The following ZNF330 variants were observed in gnomAD, a reference collection of about 807,000 sequenced individuals.
The protein encoded by ZNF330 is nucleolar atypical zinc finger, also known as zinc finger protein 330.
ZNF330 carries 31 observed loss-of-function variants against 45.5 expected under a neutral mutation model. The observed-to-expected ratio is 0.68, with a 90% confidence interval of 0.51 to 0.92. The LOEUF (loss-of-function observed/expected upper bound fraction) is 0.92, where lower values mean the gene tolerates loss of function less well. Ranked by LOEUF, ZNF330 falls within the 40% of genes least tolerant of loss-of-function variation. ZNF330 has a pLI of 0.00. For missense variants in ZNF330, 356 were observed against 387.4 expected, an observed-to-expected ratio of 0.92 and a Z score of 0.68; for synonymous variants, 138 against 123.2, an observed-to-expected ratio of 1.12 and a Z score of -0.79.
In ZNF330 at chr4:141,232,554, C is replaced by G. The variant is rs368412956; in HGVS notation, c.600C>G (p.Ser200Arg). ...GTTTCTGTGATGATCATACAAGGAG[C>G]AAAGTGTTTAAGCAAGAAAAAGGAA... ...KACFCDDHTR[S>R]KVFKQEKGKQ... The change falls in exon 9 of 10, where the codon AGC (serine) becomes AGG (arginine). Residue 200 changes from serine to arginine, a missense_variant. Physicochemically the swap from Ser to Arg is moderately radical, Grantham distance 110. Transcript: ENST00000262990. 6.9e-6 allele frequency: 11 copies of G among 1,594,852 alleles called. No homozygotes were observed. Among genetic ancestry groups the G allele is most frequent in the Non-Finnish European group, 9.4e-6 (11 of 1,171,600 alleles).
At chr4:141,229,862 T>C (rs925890939) in intron 6 of ZNF330, among the ~76,000 whole-genome samples, 165 bp downstream of exon 6, 2 of 152,070 alleles carry the variant, frequency 1.3e-5, no homozygotes, top group South Asian at 2.1e-4. Context: ...CTGTCTGTTA[T>C]TGTCAATGCT....
intron 9 of ZNF330, 94 bp downstream of exon 9, chr4:141,232,736 C>T (rs1484849754): frequency 8.4e-6 from 5 of 592,454 alleles, no homozygotes; most frequent in African/African-American, 1.9e-5. Flanking sequence ...CTTATTGCCT[C>T]TTCTTATTTG....
intron 4 of ZNF330, among the ~76,000 whole-genome samples, chr4:141,225,857 A>G (rs1275965325): frequency 6.6e-6 from 1 of 152,054 alleles, no homozygotes; most frequent in East Asian, 1.9e-4. Context: ...CTCTGGGCTT[A>G]AATTTTGTAG....
intron 5 of ZNF330, among the ~76,000 whole-genome samples, chr4:141,228,180 CTTTAT>C (rs1340553604): frequency 3.3e-5 from 5 of 152,154 alleles, no homozygotes; most frequent in Admixed American, 1.3e-4. Flanking sequence ...GTGAATTGCT[CTTTAT>C]TTTAAGTATA....
chr4:141,228,775 C>T (rs1202792965), intron 5 of ZNF330, among the ~76,000 whole-genome samples: 2 of 151,958 alleles, frequency 1.3e-5, no homozygotes, highest in Non-Finnish European at 2.9e-5. Flanking sequence ...AATTGAGATT[C>T]TGAAATCCTG....
Position 141,222,189 on chromosome 4 carries a change from A to C in ZNF330, c.-6-177A>C, listed in dbSNP as rs527991127. Among the ~76,000 whole-genome samples, 16 of 152,274 alleles carry C rather than the reference A, an allele frequency of 1.1e-4. 1 individual carries two copies. The South Asian group carries it at 3.3e-3, about 32-fold the overall frequency. The stretch of plus-strand genomic sequence containing the variant: ...AAATGCGTTAAGGATCACCCGCTTC[A>C]TTTGGAATAATATGTGCTTAACGTT... On this transcript the variant is annotated intron_variant, in intron 1 of 9. Transcript: ENST00000262990.
intron 7 of ZNF330, among the ~76,000 whole-genome samples, chr4:141,230,952 CT>C (rs150318196): frequency 1.9e-4 from 29 of 152,010 alleles, no homozygotes; most frequent in Non-Finnish European, 8.8e-5. Context: ...TTAAAAAGCC[CT>C]TTTTAAATAG....
At chr4:141,221,629 C>A (rs1343392634) in intron 1 of ZNF330, among the ~76,000 whole-genome samples, 1 of 151,430 alleles carries the variant, frequency 6.6e-6, no homozygotes, top group African/African-American at 2.5e-5. Context: ...TGCTTACCAC[C>A]TGTTTTGTTT....
intron 8 of ZNF330, 58 bp from the exon 9 acceptor site, chr4:141,232,463 ACTGT>A: frequency 3.3e-6 from 3 of 900,404 alleles, no homozygotes; most frequent in Middle Eastern, 2.8e-4. Context: ...AACACTGAAT[ACTGT>A]CTTTTTGTAT....
chr4:141,222,349 CTCT>C lies in ZNF330; in HGVS notation c.-6-15_-6-13del. 1 of 1,609,158 alleles carries C rather than the reference CTCT, an allele frequency of 6.2e-7. No individual in the cohort carries two copies. The highest frequency in any genetic ancestry group is 8.5e-7 in the Non-Finnish European group (1 of 1,178,082). On this transcript the variant is annotated splice_polypyrimidine_tract_variant and intron_variant, in intron 1 of 9. Transcript: ENST00000262990. ...GTCAGTCAATTATATCTTTTCTGTT[CTCT>C]TGTGTCAAAATAGGGGAAAATGCCT...
intron 8 of ZNF330, among the ~76,000 whole-genome samples, chr4:141,231,862 C>T (rs1168278361): frequency 2.0e-5 from 3 of 152,076 alleles, no homozygotes; most frequent in Admixed American, 6.6e-5. Context: ...CTCTAGCATT[C>T]GTTCGTCAAA....
At chr4:141,228,818 C>CA (rs1553957017) in intron 5 of ZNF330, among the ~76,000 whole-genome samples, 1 of 151,862 alleles carries the variant, frequency 6.6e-6, no homozygotes, top group African/African-American at 2.4e-5. Flanking sequence ...TAATCCAACT[C>CA]GGGACTTGGA....
Position 141,221,020 on chromosome 4 carries a change from G to C in ZNF330, c.-95G>C, listed in dbSNP as rs1240701441. 6.6e-6 allele frequency: 1 copy of C among 152,330 alleles called. No homozygotes were observed. The highest frequency in any genetic ancestry group is 2.4e-5 in the African/African-American group (1 of 41,458). 9.4% of individuals were successfully genotyped at this position (152,330 alleles called of 1,614,324 possible). ...GTTGGATTTACTGCTGTCGCGGGTG[G>C]GCCTCACGCCATTCCCTGTCCCTCG... On this transcript the variant is annotated 5_prime_UTR_variant, in exon 1 of 10. Transcript: ENST00000262990.
At chr4:141,229,786 G>T in intron 6 of ZNF330, 89 bp downstream of exon 6, 1 of 1,511,430 alleles carries the variant, frequency 6.6e-7, no homozygotes, top group Non-Finnish European at 9.0e-7. Flanking sequence ...ATTTTTTTCA[G>T]GATACTGTCA....
At position 141,234,046 on chromosome 4, in the gene ZNF330, T is replaced by A. The variant is rs1729025206; in HGVS notation, c.*57T>A. The A allele has an allele frequency of 5.2e-6, 8 of 1,551,298 alleles. No individual in the cohort carries two copies. The highest frequency in any genetic ancestry group is 3.7e-5 in the Admixed American group (2 of 53,336). ...AGCAGGAGTGAGTGTGTGTGCTTGA[T>A]GAATTGTGTGTGGTTGTTCAAAAGT... On this transcript the variant is annotated 3_prime_UTR_variant, in exon 10 of 10. Transcript: ENST00000262990.
intron 2 of ZNF330, among the ~76,000 whole-genome samples, chr4:141,223,579 A>G (rs926183927): frequency 9.2e-5 from 14 of 152,210 alleles, no homozygotes; most frequent in Admixed American, 7.9e-4. Context: ...TGCCTGTCCC[A>G]GGGCTAACAT....
At chr4:141,225,019 T>C (rs1480701581) in intron 4 of ZNF330, among the ~76,000 whole-genome samples, 1 of 152,138 alleles carries the variant, frequency 6.6e-6, no homozygotes, top group African/African-American at 2.4e-5. Context: ...TCTGTTTGTT[T>C]ACTTATCTAC....
intron 2 of ZNF330, among the ~76,000 whole-genome samples, chr4:141,223,037 C>T (rs1427278034): frequency 6.6e-6 from 1 of 152,148 alleles, no homozygotes; most frequent in Non-Finnish European, 1.5e-5. Flanking sequence ...CTCTCTATTT[C>T]CACTCCTTTC....
In ZNF330 at chr4:141,233,955, G is replaced by C. The variant is rs1382888204; in HGVS notation, c.929G>C (p.Ser310Thr). 2 of 1,613,582 alleles carry C rather than the reference G, an allele frequency of 1.2e-6. No individual in the cohort carries two copies. Among genetic ancestry groups the C allele is most frequent in the Non-Finnish European group, 1.7e-6 (2 of 1,179,650 alleles). The change falls in exon 10 of 10, where the codon AGT (serine) becomes ACT (threonine). Residue 310 changes from serine (S) to threonine (T), a missense_variant. Ser to Thr is a moderately conservative substitution (Grantham distance 58). Transcript: ENST00000262990. ...TNLNLGRTYA[S>T]GYAHYEEQEN is the part of the protein sequence containing the mutation. ...TTGAATTTAGGAAGGACCTATGCTAGTGGCTATGCTCACTATGAGGAACAA... is the reference window on the plus strand; with the variant it reads ...TTGAATTTAGGAAGGACCTATGCTACTGGCTATGCTCACTATGAGGAACAA...
Sources: allele counts gnomAD v4.1 joint callset (sites outside exome capture counted in the v4.1 genomes callset), GRCh38; gene constraint gnomAD v4.1.1; transcripts MANE v1.5; gene names NCBI Gene and HGNC (gene_info 2026-07-23, HGNC 2026-07-21).